The following CD38 variants were observed in gnomAD, a reference collection of about 807,000 sequenced individuals.
The protein encoded by CD38 is ADP-ribosyl cyclase/cyclic ADP-ribose hydrolase 1.
Under a neutral mutation model 36.3 loss-of-function variants are expected in CD38, and 31 were observed. That is an observed-to-expected ratio of 0.85 (90% confidence interval 0.64 to 1.15). The LOEUF (loss-of-function observed/expected upper bound fraction) is 1.15. Among genes scored for constraint, CD38 ranks in the 50% most tolerant of loss-of-function variants. CD38 has a pLI of 0.00. For missense variants in CD38, 380 were observed against 371.9 expected (o/e 1.02, Z -0.18); for synonymous variants, 131 against 135.2 (o/e 0.97, Z 0.22).
rs1724341887 is a variant in CD38 at position 15,849,551 on chromosome 4, A to T, written c.*949A>T. The T allele has an allele frequency of 6.6e-6, 1 of 152,150 alleles. No individual in the cohort carries two copies. Among genetic ancestry groups the T allele is most frequent in the Non-Finnish European group, 1.5e-5 (1 of 68,026 alleles). 9.4% of individuals were successfully genotyped at this position (152,150 alleles called of 1,614,324 possible). A position where few individuals can be genotyped will look rare whatever the true frequency, so the allele number is the denominator to read the frequency against. On this transcript the variant is annotated 3_prime_UTR_variant, in exon 8 of 8. Transcript: ENST00000226279. ...CGTCTTCCTCCTCCTCTTCATGCTC[A>T]GTGTTTTATATATGTAGTATACAGT...
intron 7 of CD38, among the ~76,000 whole-genome samples, chr4:15,841,696 T>C (rs987093549): frequency 1.3e-3 from 187 of 149,370 alleles, no homozygotes; most frequent in Non-Finnish European, 2.2e-3. Flanking sequence ...CAGGCCAGTG[T>C]GTGTGCACAC....
intron 2 of CD38, among the ~76,000 whole-genome samples, chr4:15,817,961 T>C (rs929444750): frequency 6.6e-6 from 1 of 151,902 alleles, no homozygotes; most frequent in East Asian, 1.9e-4. Flanking sequence ...GTGCAGGAGT[T>C]TTTTTCGTAC....
Position 15,840,119 on chromosome 4 carries a change from G to T in CD38, c.752+1G>T. The T allele has an allele frequency of 1.3e-6, 2 of 1,589,058 alleles. No individual in the cohort carries two copies. The highest frequency in any genetic ancestry group is 1.7e-6 in the Non-Finnish European group (2 of 1,157,148). On this transcript the variant is annotated splice_donor_variant, in intron 6 of 7. Transcript: ENST00000226279. LOFTEE classifies it high-confidence loss of function. Reference sequence around the variant, plus strand: ...TACATGGTGGAAGAGAAGATTCCAGGTATATCTTACTACTTTGTACCCAAG... The same window carrying T: ...TACATGGTGGAAGAGAAGATTCCAGTTATATCTTACTACTTTGTACCCAAG...
In CD38 at chr4:15,816,513, A is replaced by G. The variant is rs368624381; in HGVS notation, c.236A>G (p.His79Arg). 6.2e-7 allele frequency: 1 copy of G among 1,609,718 alleles called. No homozygotes were observed. Among genetic ancestry groups the G allele is most frequent in the South Asian group, 1.1e-5 (1 of 90,310 alleles). The change falls in exon 2 of 8, where the codon CAT becomes CGT. Residue 79 changes from histidine (H) to arginine (R), a missense_variant and splice_region_variant. Transcript: ENST00000226279. ...TTATTTTCTGTGTTTTATCTCAGAC[A>G]TGTAGACTGCCAAAGTGTATGGGAT... ...KYTEIHPEMR[H>R]VDCQSVWDAF...
At chr4:15,819,110 C>G (rs1035054295) in intron 2 of CD38, among the ~76,000 whole-genome samples, 4 of 111,796 alleles carry the variant, frequency 3.6e-5, no homozygotes, top group Admixed American at 2.4e-4. Flanking sequence ...ACCACATGTT[C>G]TCACTCATAA....
chr4:15,834,603 T>G (rs1304194664), intron 4 of CD38, among the ~76,000 whole-genome samples: 1 of 152,186 alleles, frequency 6.6e-6, no homozygotes, highest in Non-Finnish European at 1.5e-5. Context: ...TAGTCAATCT[T>G]AGATACCTGG....
At chr4:15,833,490 T>G (rs1723998513) in intron 3 of CD38, among the ~76,000 whole-genome samples, 1 of 151,892 alleles carries the variant, frequency 6.6e-6, no homozygotes, top group Admixed American at 6.6e-5. Context: ...AATAATTATT[T>G]ATATCTACAC....
At chr4:15,791,709 G>A (rs1425284059) in intron 1 of CD38, among the ~76,000 whole-genome samples, 6 of 78,682 alleles carry the variant, frequency 7.6e-5, no homozygotes, top group East Asian at 3.0e-4. Flanking sequence ...CAGCCGCCCC[G>A]TCCGGGAGGT....
intron 1 of CD38, among the ~76,000 whole-genome samples, chr4:15,804,680 T>A (rs1723304928): frequency 6.6e-6 from 1 of 152,062 alleles, no homozygotes; most frequent in African/African-American, 2.4e-5. Flanking sequence ...GAAAGACAAG[T>A]TTCATATATT....
chr4:15,790,911 TCTG>T, intron 1 of CD38, among the ~76,000 whole-genome samples: 1 of 136,048 alleles, frequency 7.4e-6, no homozygotes, highest in South Asian at 2.5e-4. Flanking sequence ...GGCCGCCCCG[TCTG>T]AGAGGTGAGG....
At chr4:15,846,061 A>C in intron 7 of CD38, among the ~76,000 whole-genome samples, 1 of 26,462 alleles carries the variant, frequency 3.8e-5, no homozygotes, top group East Asian at 1.1e-3. Context: ...AAACTACTTT[A>C]AAGTTCATAT....
At chr4:15,818,014 C>T (rs1393332533) in intron 2 of CD38, among the ~76,000 whole-genome samples, 2 of 152,236 alleles carry the variant, frequency 1.3e-5, no homozygotes, top group East Asian at 1.9e-4. Context: ...ACTGTTCACT[C>T]CCCTGGAAAG....
chr4:15,823,291 T>C (rs1723778813), intron 2 of CD38, among the ~76,000 whole-genome samples: 1 of 152,072 alleles, frequency 6.6e-6, no homozygotes, highest in South Asian at 2.1e-4. Context: ...AATTGCCAAA[T>C]GCAATTGTAA....
intron 3 of CD38, among the ~76,000 whole-genome samples, chr4:15,828,082 A>G (rs1723886769): frequency 6.6e-6 from 1 of 152,162 alleles, no homozygotes; most frequent in South Asian, 2.1e-4. Context: ...TGGTGCAATC[A>G]CAATTCACTG....
At chr4:15,811,805 A>AG (rs1055787717) in intron 1 of CD38, among the ~76,000 whole-genome samples, 18 of 152,180 alleles carry the variant, frequency 1.2e-4, no homozygotes, top group African/African-American at 3.9e-4. Context: ...TTTATGGGTT[A>AG]GGGAGGGCAA....
chr4:15,840,062 A>G lies in CD38; in HGVS notation c.696A>G (p.Pro232=). ...GTGTGGAAGTCCATAATTTGCAACCAGAGAAGGTTCAGACACTAGAGGCCT... is the reference window on the plus strand; with the variant it reads ...GTGTGGAAGTCCATAATTTGCAACCGGAGAAGGTTCAGACACTAGAGGCCT... ...FGSVEVHNLQ[P]EKVQTLEAWV... The change falls in exon 6 of 8, where the codon CCA becomes CCG. Residue 232 remains proline, a synonymous_variant. Coordinates refer to ENST00000226279, the MANE Select transcript of CD38 (RefSeq NM_001775.4). 1.2e-6 allele frequency: 2 copies of G among 1,613,890 alleles called. No homozygotes were observed. Among genetic ancestry groups the G allele is most frequent in the South Asian group, 1.1e-5 (1 of 91,074 alleles).
chr4:15,826,459 G>A (rs200393882), intron 3 of CD38, among the ~76,000 whole-genome samples: 100 of 146,452 alleles, frequency 6.8e-4, no homozygotes, highest in African/African-American at 1.3e-3. Context: ...ACTTTTGTGC[G>A]CACACACACA....
Position 15,837,033 on chromosome 4 carries a change from T to C in CD38, c.586-1059T>C, listed in dbSNP as rs182758222. On this transcript the variant is annotated intron_variant, in intron 4 of 7. Transcript: ENST00000226279. ...ACTTACTATGGACAGTGAACATTCA[T>C]GGGCACTTTATAGTTTTTGTTTGTT... 9.2e-5 allele frequency among the ~76,000 whole-genome samples: 14 copies of C among 152,384 alleles called. No homozygotes were observed. In the East Asian group the frequency reaches 2.7e-3, roughly 29 times the overall value.
intron 1 of CD38, among the ~76,000 whole-genome samples, chr4:15,789,851 A>G (rs1257872226): frequency 1.3e-5 from 2 of 152,170 alleles, no homozygotes; most frequent in Non-Finnish European, 2.9e-5. Context: ...GGCTGTCACC[A>G]GATGTGTCCC....
Sources: gnomAD v4.1 joint callset for allele counts (sites outside exome capture counted in the v4.1 genomes callset) on GRCh38, gnomAD v4.1.1 for gene constraint, MANE v1.5 for transcripts, NCBI Gene and HGNC (gene_info 2026-07-23, HGNC 2026-07-21) for gene names.